EEF2K: variants seen among roughly 807,000 people sequenced by gnomAD.
EEF2K encodes the protein eukaryotic elongation factor 2 kinase.
A neutral mutation model predicts 93.8 loss-of-function variants in EEF2K; 70 were observed. The ratio of observed to expected loss-of-function variants is 0.75; its 90% confidence interval spans 0.62 to 0.91. The LOEUF is 0.91. EEF2K is among the 40% of genes least tolerant of loss of function. The probability of loss-of-function intolerance (pLI) is 0.00; values close to 1 mark genes in which losing one functional copy is unlikely to be tolerated. For missense variants in EEF2K, 935 were observed against 972.9 expected, an observed-to-expected ratio of 0.96 and a Z score of 0.52; for synonymous variants, 376 against 380.8, an observed-to-expected ratio of 0.99 and a Z score of 0.15.
intron 6 of EEF2K, among the ~76,000 whole-genome samples, chr16:22,254,350 G>A (rs1041334012): frequency 4.6e-5 from 7 of 152,054 alleles, no homozygotes; most frequent in Non-Finnish European, 7.4e-5. Flanking sequence ...CCCTCAGGCC[G>A]GTTCTCAGAA....
At chr16:22,232,976 G>A (rs1437390320) in intron 2 of EEF2K, among the ~76,000 whole-genome samples, 1 of 152,138 alleles carries the variant, frequency 6.6e-6, no homozygotes, top group Non-Finnish European at 1.5e-5. Context: ...GCAGGTATTG[G>A]GTGTGGATTG....
chr16:22,271,630 A>G (rs1848248978), intron 15 of EEF2K, among the ~76,000 whole-genome samples: 1 of 151,806 alleles, frequency 6.6e-6, no homozygotes, highest in South Asian at 2.1e-4. Context: ...CATACACTAC[A>G]GGAGTTTGAG....
intron 15 of EEF2K, among the ~76,000 whole-genome samples, chr16:22,267,622 T>C (rs2047538000): frequency 6.7e-6 from 1 of 149,972 alleles, no homozygotes; most frequent in Admixed American, 6.6e-5. Context: ...GGGGGGGATA[T>C]CTGCTTTCGA....
rs114069786 is a variant in EEF2K, at chr16:22,217,973, C to T, written c.-76-7681C>T. ...CTTTCTCTGGTTCTGCCCTCCACCACGTATCAGCTTTGTTCTGTGTTGGCC... is the reference window on the plus strand; with the variant it reads ...CTTTCTCTGGTTCTGCCCTCCACCATGTATCAGCTTTGTTCTGTGTTGGCC... On this transcript the variant is annotated intron_variant, in intron 1 of 17. Coordinates refer to ENST00000263026, the MANE Select transcript of EEF2K (RefSeq NM_013302.5). 7.8e-3 allele frequency among the ~76,000 whole-genome samples: 1,195 copies of T among 152,296 alleles called. 16 individuals are homozygous for T. Among genetic ancestry groups the T allele is most frequent in the African/African-American group, 0.027 (1,109 of 41,558 alleles).
At chr16:22,209,659 G>T (rs2046896247) in intron 1 of EEF2K, among the ~76,000 whole-genome samples, 1 of 152,336 alleles carries the variant, frequency 6.6e-6, no homozygotes, top group African/African-American at 2.4e-5. Context: ...TTACCCTGAT[G>T]AACTGAGAAG....
chr16:22,245,489 G>C (rs897311355), intron 3 of EEF2K, among the ~76,000 whole-genome samples: 1 of 152,008 alleles, frequency 6.6e-6, no homozygotes, highest in African/African-American at 2.4e-5. Flanking sequence ...TGTTTTTCCC[G>C]GTGGAGGCAT....
At chr16:22,240,959 A>G (rs56351721) in intron 2 of EEF2K, among the ~76,000 whole-genome samples, 1 of 151,790 alleles carries the variant, frequency 6.6e-6, no homozygotes, top group Non-Finnish European at 1.5e-5. Context: ...TAGTAGTGAC[A>G]GGGTTTTACC....
intron 2 of EEF2K, among the ~76,000 whole-genome samples, chr16:22,233,127 G>A (rs765150683): frequency 1.1e-4 from 16 of 152,142 alleles, no homozygotes; most frequent in Non-Finnish European, 1.9e-4. Context: ...TTATGATAAC[G>A]TGGGAAAGTG....
chr16:22,284,085 A>G lies in EEF2K; in HGVS notation c.*89A>G. The G allele has an allele frequency of 8.5e-7, 1 of 1,174,546 alleles. No homozygotes were observed. The highest frequency in any genetic ancestry group is 1.2e-6 in the Non-Finnish European group (1 of 828,404). The allele number at this position is 1,174,546 out of a possible 1,614,324, so 72.8% of individuals were successfully genotyped here. On this transcript the variant is annotated 3_prime_UTR_variant, in exon 18 of 18. Transcript: ENST00000263026. ...CAACAACAACTTATTTAGTTTGGGG[A>G]GGGGAAGCATTTTTAAGTGTGTTGT...
chr16:22,284,233 A>T lies in EEF2K; in HGVS notation c.*237A>T. The T allele has an allele frequency of 2.0e-6, 1 of 497,228 alleles. No individual in the cohort carries two copies. Among genetic ancestry groups the T allele is most frequent in the Non-Finnish European group, 3.6e-6 (1 of 275,670 alleles). 30.8% of individuals were successfully genotyped at this position (497,228 alleles called of 1,614,324 possible). Reference sequence around the variant, plus strand: ...ATTTTGGGGAAGTGGGGCTTGAAGAAGCAGCCTAATGAACCAACATACCGT... The same window carrying T: ...ATTTTGGGGAAGTGGGGCTTGAAGATGCAGCCTAATGAACCAACATACCGT... On this transcript the variant is annotated 3_prime_UTR_variant, in exon 18 of 18. Coordinates refer to ENST00000263026, the MANE Select transcript of EEF2K (RefSeq NM_013302.5).
At chr16:22,215,798 G>A (rs927805978) in intron 1 of EEF2K, among the ~76,000 whole-genome samples, 1 of 152,160 alleles carries the variant, frequency 6.6e-6, no homozygotes, top group Admixed American at 6.6e-5. Flanking sequence ...GGTGGCGGGT[G>A]CCTGTAATCC....
rs766225103 is a variant in EEF2K at position 22,266,448 on chromosome 16, C to T, written c.1499C>T (p.Ser500Leu). 41 of 1,614,074 alleles carry T rather than the reference C, an allele frequency of 2.5e-5. No individual in the cohort carries two copies. Among genetic ancestry groups the T allele is most frequent in the Admixed American group, 5.0e-5 (3 of 60,002 alleles). Residue 500 changes from serine to leucine, a missense_variant, in exon 14 of 18, where the codon TCG (serine) becomes TTG (leucine). Transcript: ENST00000263026. ...NSSRLHLPRASAVALEVQRLN... is the reference protein window; with the variant it reads ...NSSRLHLPRALAVALEVQRLN... ...TCCCGCCTCCACCTGCCGAGGGCTT[C>T]GGCCGTGGCCCTGGAAGTGCAAAGG...
intron 16 of EEF2K, among the ~76,000 whole-genome samples, chr16:22,278,754 A>C (rs1289509557): frequency 6.6e-6 from 1 of 152,120 alleles, no homozygotes; most frequent in African/African-American, 2.4e-5. Flanking sequence ...CCAAAGAAAA[A>C]GAGCCCTCCG....
At chr16:22,212,328 CTT>C (rs769233604) in intron 1 of EEF2K, among the ~76,000 whole-genome samples, 4 of 144,768 alleles carry the variant, frequency 2.8e-5, no homozygotes, top group South Asian at 2.2e-4. Flanking sequence ...CTGTCTCTTT[CTT>C]TTTTTTTTTT....
Position 22,266,730 on chromosome 16 carries a change from T to C in EEF2K, c.1618T>C (p.Cys540Arg), listed in dbSNP as rs747176974. The change falls in exon 15 of 18, where the codon TGC becomes CGC. Residue 540 changes from cysteine (C) to arginine (R), a missense_variant. Coordinates refer to ENST00000263026, the MANE Select transcript of EEF2K (RefSeq NM_013302.5). ...MVRYHEGGRF[C>R]EKGEEWDQES... The stretch of plus-strand genomic sequence containing the variant: ...GCGCTACCACGAGGGTGGGCGCTTC[T>C]GCGAGAAGGGCGAGGAGTGGGACCA... 15 of 1,613,936 alleles carry C rather than the reference T, an allele frequency of 9.3e-6. No individual in the cohort carries two copies. Among genetic ancestry groups the C allele is most frequent in the Non-Finnish European group, 1.2e-5 (14 of 1,179,938 alleles).
chr16:22,254,233 G>A (rs974916458), intron 6 of EEF2K, among the ~76,000 whole-genome samples: 18 of 152,198 alleles, frequency 1.2e-4, no homozygotes, highest in Non-Finnish European at 4.4e-5. Flanking sequence ...ACTGCCCCTC[G>A]CCCAGGGAGC....
At chr16:22,210,456 G>A (rs929233201) in intron 1 of EEF2K, among the ~76,000 whole-genome samples, 4 of 152,178 alleles carry the variant, frequency 2.6e-5, no homozygotes, top group African/African-American at 9.7e-5. Context: ...CTGTAGTGAG[G>A]CTTGAGAATT....
intron 4 of EEF2K, 22 bp from the exon 5 acceptor site, chr16:22,250,632 C>A (rs1320414519): frequency 6.2e-7 from 1 of 1,614,178 alleles, no homozygotes. Context: ...GGACTGATAA[C>A]ACTCTGTGTG....
At chr16:22,255,331 G>GT (rs1209920088) in intron 6 of EEF2K, among the ~76,000 whole-genome samples, 1 of 152,188 alleles carries the variant, frequency 6.6e-6, no homozygotes, top group Non-Finnish European at 1.5e-5. Flanking sequence ...GTGGCTTGGG[G>GT]TAGGCTTGTT....
Sources: allele counts gnomAD v4.1 joint callset (sites outside exome capture counted in the v4.1 genomes callset), GRCh38; gene constraint gnomAD v4.1.1; transcripts MANE v1.5; gene names NCBI Gene and HGNC (gene_info 2026-07-23, HGNC 2026-07-21).